The following NIPA1 variants were observed in gnomAD, a reference collection of about 807,000 sequenced individuals.
The protein encoded by NIPA1 is magnesium transporter NIPA1.
A neutral mutation model predicts 23.9 loss-of-function variants in NIPA1; 13 were observed. The observed-to-expected ratio is 0.54, with a 90% CI of 0.35 to 0.87. The LOEUF is 0.87. NIPA1 is among the 40% of genes least tolerant of loss of function. The probability of loss-of-function intolerance (pLI) is 0.01; values close to 1 mark genes in which losing one functional copy is unlikely to be tolerated. For synonymous variants in NIPA1, 234 were observed against 202.9 expected (o/e 1.15, Z -1.30); for missense variants, 362 against 429.7 (o/e 0.84, Z 1.39).
At chr15:22,821,955 A>G (rs1329263768) in intron 4 of NIPA1, among the ~76,000 whole-genome samples, 3 of 152,204 alleles carry the variant, frequency 2.0e-5, no homozygotes, top group Non-Finnish European at 4.4e-5. Context: ...CATCCCTTTC[A>G]ATATGTAAAT....
intron 1 of NIPA1, among the ~76,000 whole-genome samples, chr15:22,794,309 CAT>C (rs896774937): frequency 1.0e-4 from 13 of 125,726 alleles, no homozygotes; most frequent in Non-Finnish European, 1.8e-4. Context: ...CAGTGACATT[CAT>C]AGAGACAGGA....
At chr15:22,792,596 G>A (rs567075973) in intron 1 of NIPA1, among the ~76,000 whole-genome samples, 2 of 152,224 alleles carry the variant, frequency 1.3e-5, no homozygotes, top group South Asian at 2.1e-4. Flanking sequence ...CTGACCTCGT[G>A]ATCTGCCTTC....
chr15:22,823,724 C>T lies in NIPA1; in HGVS notation c.479-4C>T. 13 of 1,602,850 alleles carry T rather than the reference C, an allele frequency of 8.1e-6. No homozygotes were observed. Among genetic ancestry groups the T allele is most frequent in the Non-Finnish European group, 1.1e-5 (13 of 1,177,894 alleles). ...CGGGTGACTGTGTGCTGTCTGTGTTCCAGTGTTTGTGGGCTACCTGTGCAT... is the reference window on the plus strand; with the variant it reads ...CGGGTGACTGTGTGCTGTCTGTGTTTCAGTGTTTGTGGGCTACCTGTGCAT... On this transcript the variant is annotated splice_region_variant and splice_polypyrimidine_tract_variant and intron_variant, in intron 4 of 4. Transcript: ENST00000337435.
At chr15:22,816,564 T>G (rs1300522161) in intron 3 of NIPA1, among the ~76,000 whole-genome samples, 1 of 133,564 alleles carries the variant, frequency 7.5e-6, no homozygotes, top group African/African-American at 2.8e-5. Context: ...TGCTGTCGGC[T>G]CACTGCAACC....
chr15:22,817,186 C>CA (rs894814701), intron 3 of NIPA1, among the ~76,000 whole-genome samples: 3,541 of 59,984 alleles, frequency 0.059, 157 homozygotes, highest in African/African-American at 0.12. Flanking sequence ...GACTCTGTCT[C>CA]AAAAAAAAAA....
At chr15:22,798,294 C>A (rs1237558933) in intron 1 of NIPA1, among the ~76,000 whole-genome samples, 2 of 144,238 alleles carry the variant, frequency 1.4e-5, no homozygotes, top group South Asian at 4.4e-4. Flanking sequence ...GGCTGGAGTG[C>A]AGTGGCGCGA....
intron 1 of NIPA1, among the ~76,000 whole-genome samples, chr15:22,791,878 C>CT (rs1249627188): frequency 6.6e-6 from 1 of 152,128 alleles, no homozygotes; most frequent in Admixed American, 6.5e-5. Flanking sequence ...AGCCTGCCTT[C>CT]TTTGCCATGC....
rs531550505 is a variant in NIPA1, at chr15:22,786,677, AGCGGCGGCGGCGGCGGCG to A, written c.30_47del (p.Ala11_Ala16del). On this transcript the variant is annotated inframe_deletion, in exon 1 of 5. Coordinates refer to ENST00000337435, the MANE Select transcript of NIPA1 (RefSeq NM_144599.5). ...GCGGAATGGGGACTGCAGCTGCGGC[AGCGGCGGCGGCGGCGGCG>A]GCGGCGGCCGGGGAGGGGGCGCGTA... The A allele has an allele frequency of 3.1e-5, 33 of 1,071,498 alleles. No homozygotes were observed. Among genetic ancestry groups the A allele is most frequent in the Non-Finnish European group, 3.5e-5 (31 of 886,168 alleles). The allele number at this position is 1,071,498 out of a possible 1,614,324, so 66.4% of individuals were successfully genotyped here. A position where few individuals can be genotyped will look rare whatever the true frequency, so the allele number is the denominator to read the frequency against.
At chr15:22,814,199 A>G (rs992023061) in intron 3 of NIPA1, 4 of 827,394 alleles carry the variant, frequency 4.8e-6, no homozygotes, top group Non-Finnish European at 5.1e-6. Flanking sequence ...ATTAATTTGG[A>G]AAAAAACAAT....
rs1334782811 is a variant in NIPA1, at chr15:22,827,292, T to C, written c.*3053T>C. 3 of 152,204 alleles carry C rather than the reference T, an allele frequency of 2.0e-5. No individual in the cohort carries two copies. The highest frequency in any genetic ancestry group is 1.5e-5 in the Non-Finnish European group (1 of 68,034). 9.4% of individuals were successfully genotyped at this position (152,204 alleles called of 1,614,324 possible). On this transcript the variant is annotated 3_prime_UTR_variant, in exon 5 of 5. Coordinates refer to ENST00000337435, the MANE Select transcript of NIPA1 (RefSeq NM_144599.5). ...AAAGGATTGCTTCCTGTTCTGCTCA[T>C]TGATCAAAGGTAGGGCCAATTAAGG...
intron 1 of NIPA1, among the ~76,000 whole-genome samples, chr15:22,791,999 G>A (rs1402753447): frequency 2.0e-5 from 3 of 152,154 alleles, no homozygotes; most frequent in Non-Finnish European, 4.4e-5. Flanking sequence ...GTGCTCTACA[G>A]CATAGGCTCA....
chr15:22,821,030 T>G (rs1327827251), intron 4 of NIPA1, among the ~76,000 whole-genome samples: 1 of 150,144 alleles, frequency 6.7e-6, no homozygotes, highest in Non-Finnish European at 1.5e-5. Context: ...CAGGCTGGAG[T>G]GCAGTGGCGC....
At chr15:22,790,464 C>T (rs1383818909) in intron 1 of NIPA1, among the ~76,000 whole-genome samples, 1 of 150,006 alleles carries the variant, frequency 6.7e-6, no homozygotes, top group African/African-American at 2.5e-5. Context: ...TTTTGTTGCC[C>T]AGGCTGGAGT....
At chr15:22,822,746 G>A (rs1350894256) in intron 4 of NIPA1, among the ~76,000 whole-genome samples, 1 of 151,728 alleles carries the variant, frequency 6.6e-6, no homozygotes, top group Non-Finnish European at 1.5e-5. Flanking sequence ...AGAATCGCTT[G>A]AACCTGGGAG....
intron 3 of NIPA1, among the ~76,000 whole-genome samples, chr15:22,818,459 A>T (rs1895469144): frequency 6.6e-6 from 1 of 150,988 alleles, no homozygotes; most frequent in Admixed American, 6.6e-5. Context: ...CGAAACAGAA[A>T]CTCTTACAGT....
intron 1 of NIPA1, among the ~76,000 whole-genome samples, chr15:22,808,707 T>TGGGTG (rs1895262639): frequency 1.9e-5 from 2 of 107,466 alleles, no homozygotes; most frequent in African/African-American, 7.0e-5. Flanking sequence ...TCTCACTCTA[T>TGGGTG]CACCCAGGCT....
chr15:22,797,423 A>T (rs1595632582), intron 1 of NIPA1, among the ~76,000 whole-genome samples: 3 of 151,760 alleles, frequency 2.0e-5, no homozygotes, highest in African/African-American at 7.3e-5. Context: ...CATGTTAGCC[A>T]GGATGGTCTC....
Position 22,796,793 on chromosome 15 carries a change from C to T in NIPA1, c.178+9959C>T, listed in dbSNP as rs1034626722. ...GGGCTGGTCTGAGAGGCCATGTCCC[C>T]GACCCATGCAGGGACAGGGTTGCCT... On this transcript the variant is annotated intron_variant, in intron 1 of 4. Coordinates refer to ENST00000337435, the MANE Select transcript of NIPA1 (RefSeq NM_144599.5). Among the ~76,000 whole-genome samples, 3 of 152,146 alleles carry T rather than the reference C, an allele frequency of 2.0e-5. 1 individual carries two copies. The highest frequency in any genetic ancestry group is 1.3e-4 in the Admixed American group (2 of 15,264).
In NIPA1 at chr15:22,789,616, G is replaced by A. The variant is rs531976204; in HGVS notation, c.178+2782G>A. On this transcript the variant is annotated intron_variant, in intron 1 of 4. Transcript: ENST00000337435. ...TTGAGCACCTCCCGCCGAAGAAGGC[G>A]AGGGAGGCATGGAGGTGTCTTACAC... 2.0e-5 allele frequency among the ~76,000 whole-genome samples: 3 copies of A among 152,272 alleles called. No homozygotes were observed. The South Asian group carries it at 6.2e-4, about 32-fold the overall frequency.
Sources: allele counts gnomAD v4.1 joint callset (sites outside exome capture counted in the v4.1 genomes callset), GRCh38; gene constraint gnomAD v4.1.1; transcripts MANE v1.5; gene names NCBI Gene and HGNC (gene_info 2026-07-23, HGNC 2026-07-21).